RLN2: variants seen among roughly 807,000 people sequenced by gnomAD.
RLN2 encodes prorelaxin H2.
Under a neutral mutation model 7.3 loss-of-function variants are expected in RLN2, and 10 were observed. That is an observed-to-expected ratio of 1.36 (90% confidence interval 0.84 to 2.31). The LOEUF (loss-of-function observed/expected upper bound fraction) is 2.31. Ranked by LOEUF, RLN2 falls within the 30% of genes most tolerant of loss-of-function variation. The probability of loss-of-function intolerance (pLI) is 0.00; values close to 1 mark genes in which losing one functional copy is unlikely to be tolerated. For missense variants in RLN2, 298 were observed against 217.6 expected (o/e 1.37, Z -2.32); for synonymous variants, 103 against 82.3 (o/e 1.25, Z -1.36).
At chr9:5,305,402 C>CAG (rs3834385), upstream of RLN2, among the ~76,000 whole-genome samples, 6,602 of 111,620 alleles carry the variant, frequency 0.059, 281 homozygotes, top group African/African-American at 0.087. Context: ...CACACACACA[C>CAG]AGAGAGAGAG....
chr9:5,334,705 C>T, the RLN2 span, among the ~76,000 whole-genome samples: 1 of 151,862 alleles, frequency 6.6e-6, no homozygotes, highest in Non-Finnish European at 1.5e-5. Flanking sequence ...CTTGAGTTCC[C>T]TTCAGACTCT....
At chr9:5,335,518 C>G in the RLN2 span, 18 of 1,613,096 alleles carry the variant, frequency 1.1e-5, no homozygotes, top group Admixed American at 1.7e-5. Flanking sequence ...CTGCCTTCAG[C>G]TCCGGTGGCA....
Position 5,300,392 on chromosome 9 carries a change from T to C in RLN2, c.264A>G (p.Ser88=). The change falls in exon 2 of 2, where the codon TCA becomes TCG. Residue 88 remains serine (S), a synonymous_variant. Coordinates refer to ENST00000381627, the MANE Select transcript of RLN2 (RefSeq NM_134441.3). ...NKDTETINMM[S]EFVANLPQEL... ...CCTGTGGCAAATTAGCAACAAATTC[T>C]GACATCATATTTATGGTTTCTGTAT... is the stretch of plus-strand genomic sequence containing the variant. The C allele has an allele frequency of 8.1e-6, 13 of 1,612,480 alleles. No homozygotes were observed. The highest frequency in any genetic ancestry group is 1.1e-5 in the Non-Finnish European group (13 of 1,179,600).
At chr9:5,311,003 C>T in the RLN2 span, among the ~76,000 whole-genome samples, 8 of 152,184 alleles carry the variant, frequency 5.3e-5, no homozygotes, top group Non-Finnish European at 1.2e-4. Context: ...GAAAGCCCTA[C>T]TTGCAGAAAC....
At chr9:5,336,802 A>G in the RLN2 span, among the ~76,000 whole-genome samples, 1 of 151,968 alleles carries the variant, frequency 6.6e-6, no homozygotes, top group Admixed American at 6.6e-5. Context: ...AGAGAGGAGT[A>G]AATCTAAGTG....
At chr9:5,316,063 T>A in the RLN2 span, among the ~76,000 whole-genome samples, 1 of 151,992 alleles carries the variant, frequency 6.6e-6, no homozygotes, top group Admixed American at 6.6e-5. Flanking sequence ...ACTCTAATAT[T>A]ATTATGGTTC....
At chr9:5,302,619 C>T (rs1208038528) in intron 1 of RLN2, among the ~76,000 whole-genome samples, 1 of 152,156 alleles carries the variant, frequency 6.6e-6, no homozygotes, top group African/African-American at 2.4e-5. Flanking sequence ...TTTAAAAATA[C>T]TTTGTAATCT....
At chr9:5,308,375 C>T (rs1816290698), upstream of RLN2, among the ~76,000 whole-genome samples, 1 of 151,960 alleles carries the variant, frequency 6.6e-6, no homozygotes, top group African/African-American at 2.4e-5. Context: ...CAGAAAGAAT[C>T]ACCCCTGGCC....
chr9:5,321,203 A>C, the RLN2 span, among the ~76,000 whole-genome samples: 1 of 152,130 alleles, frequency 6.6e-6, no homozygotes, highest in Non-Finnish European at 1.5e-5. Context: ...ATGAATGTGA[A>C]GGCCACAAAA....
chr9:5,329,051 C>T, the RLN2 span, among the ~76,000 whole-genome samples: 9 of 151,914 alleles, frequency 5.9e-5, no homozygotes, highest in Non-Finnish European at 1.2e-4. Flanking sequence ...CGCCTGTAAT[C>T]CCAACACTTT....
the RLN2 span, among the ~76,000 whole-genome samples, chr9:5,333,199 A>T: frequency 6.6e-6 from 1 of 152,038 alleles, no homozygotes; most frequent in East Asian, 1.9e-4. Flanking sequence ...GCGCTCATGC[A>T]CTTTTCTTCA....
the RLN2 span, among the ~76,000 whole-genome samples, chr9:5,312,769 C>T: frequency 6.6e-6 from 1 of 150,902 alleles, no homozygotes; most frequent in African/African-American, 2.4e-5. Context: ...TTTTGGTATG[C>T]TGTTTCTATT....
At chr9:5,335,270 G>C in the RLN2 span, 1 of 1,591,332 alleles carries the variant, frequency 6.3e-7, no homozygotes, top group Non-Finnish European at 8.5e-7. Flanking sequence ...TTTAGCAAGA[G>C]ACCTTTTGGT....
At chr9:5,337,586 T>C in the RLN2 span, among the ~76,000 whole-genome samples, 2 of 151,980 alleles carry the variant, frequency 1.3e-5, no homozygotes, top group African/African-American at 2.4e-5. Flanking sequence ...AACAGTGTAA[T>C]AACGTGAAAG....
At chr9:5,318,179 T>C in the RLN2 span, among the ~76,000 whole-genome samples, 26 of 152,108 alleles carry the variant, frequency 1.7e-4, no homozygotes, top group African/African-American at 5.8e-4. Context: ...AGTCAAAATT[T>C]CTGGATTTTA....
chr9:5,309,628 C>G (rs1816312864), upstream of RLN2, among the ~76,000 whole-genome samples: 1 of 152,028 alleles, frequency 6.6e-6, no homozygotes, highest in Admixed American at 6.6e-5. Context: ...CATGATGGAT[C>G]TTTTGCTAAC....
the RLN2 span, chr9:5,335,459 G>C: frequency 9.9e-6 from 16 of 1,613,624 alleles, no homozygotes; most frequent in Middle Eastern, 1.7e-4. Flanking sequence ...CTTTAATGCA[G>C]GTACATACTG....
the RLN2 span, among the ~76,000 whole-genome samples, chr9:5,337,308 G>C: frequency 3.3e-5 from 5 of 151,982 alleles, no homozygotes; most frequent in African/African-American, 1.2e-4. Flanking sequence ...ATTGTATTCA[G>C]TTTATTCATA....
At chr9:5,314,878 G>A in the RLN2 span, among the ~76,000 whole-genome samples, 5 of 151,332 alleles carry the variant, frequency 3.3e-5, no homozygotes, top group African/African-American at 1.2e-4. Context: ...AGTTGCAATG[G>A]TGCCCTATTG....
Sources: gnomAD v4.1 joint callset for allele counts (sites outside exome capture counted in the v4.1 genomes callset) on GRCh38, gnomAD v4.1.1 for gene constraint, MANE v1.5 for transcripts, NCBI Gene and HGNC (gene_info 2026-07-23, HGNC 2026-07-21) for gene names.